Variants in TMC2 observed in about 807,000 individuals in gnomAD.
TMC2 encodes transmembrane channel-like protein 2.
A neutral mutation model predicts 105.9 loss-of-function variants in TMC2; 102 were observed. The observed-to-expected ratio is 0.96, with a 90% confidence interval of 0.82 to 1.14. The LOEUF (loss-of-function observed/expected upper bound fraction) is 1.14, where lower values mean the gene tolerates loss of function less well. Among genes scored for constraint, TMC2 ranks in the 50% most tolerant of loss-of-function variants. TMC2 has a pLI of 0.00. For missense variants in TMC2, 1,093 were observed against 1,134.3 expected (o/e 0.96, Z 0.52); for synonymous variants, 402 against 422.8 (o/e 0.95, Z 0.60).
chr20:2,558,838 C>T lies in TMC2; in HGVS notation c.401+64C>T. ...GCTCCCGCTCCTTCGCGGCCCTTCC[C>T]CTTCCCCCGTGAGGGACTGATGCCC... is the stretch of plus-strand genomic sequence containing the variant. On this transcript the variant is annotated intron_variant, in intron 3 of 19. Coordinates refer to ENST00000358864, the MANE Select transcript of TMC2 (RefSeq NM_080751.3). This position sits in a 1 kb window ranked among gnomAD's most constrained non-coding sequence, Gnocchi z 4.6. The T allele has an allele frequency of 1.4e-6, 2 of 1,457,208 alleles. No homozygotes were observed. The allele number at this position is 1,457,208 out of a possible 1,614,324, so 90.3% of individuals were successfully genotyped here. A position where few individuals can be genotyped will look rare whatever the true frequency, so the allele number is the denominator to read the frequency against.
chr20:2,598,240 CAAAG>C (rs1478517990), intron 10 of TMC2, among the ~76,000 whole-genome samples: 4 of 145,812 alleles, frequency 2.7e-5, no homozygotes, highest in African/African-American at 1.0e-4. Context: ...TGGAAAATAA[CAAAG>C]AGAGAGAAAG....
At chr20:2,542,936 T>TG (rs1295913623) in intron 2 of TMC2, among the ~76,000 whole-genome samples, 1 of 74 alleles carries the variant, frequency 0.014, no homozygotes, top group Non-Finnish European at 0.025. Flanking sequence ...TGTGTTTTTC[T>TG]TTTTAAAACA....
chr20:2,547,672 A>C (rs2085933471), intron 2 of TMC2, among the ~76,000 whole-genome samples: 1 of 152,242 alleles, frequency 6.6e-6, no homozygotes, highest in African/African-American at 2.4e-5. Flanking sequence ...TTTGAGAGTC[A>C]ATCTTAAAAA....
chr20:2,559,159 G>C (rs2086007563), intron 3 of TMC2, among the ~76,000 whole-genome samples: 1 of 152,166 alleles, frequency 6.6e-6, no homozygotes, highest in Admixed American at 6.5e-5. Flanking sequence ...CGAAGAGGAG[G>C]AGCTGAGCGA....
chr20:2,538,615 C>A (rs1288395864), intron 2 of TMC2, among the ~76,000 whole-genome samples: 1 of 152,180 alleles, frequency 6.6e-6, no homozygotes. Context: ...GTGCGGGACT[C>A]CCCTGTGAGC....
At chr20:2,564,219 C>T (rs1333654056) in intron 4 of TMC2, among the ~76,000 whole-genome samples, 4 of 136,370 alleles carry the variant, frequency 2.9e-5, no homozygotes, top group Admixed American at 2.5e-4. Flanking sequence ...GGCACAATCT[C>T]GGCTCACTGC....
At chr20:2,636,515 C>T (rs2086646301) in intron 18 of TMC2, among the ~76,000 whole-genome samples, 1 of 150,536 alleles carries the variant, frequency 6.6e-6, no homozygotes, top group African/African-American at 2.4e-5. Flanking sequence ...AAAATTCAGA[C>T]CCTAACCCTC....
At position 2,580,042 on chromosome 20, in the gene TMC2, G is replaced by A; in HGVS notation, c.820G>A (p.Val274Ile). The change falls in exon 7 of 20, where the codon GTC (valine) becomes ATC (isoleucine). Residue 274 changes from valine to isoleucine, a missense_variant. By Grantham distance (29) the Val-to-Ile change is conservative. Transcript: ENST00000358864. ...CCTTTTTGGCTTAATATTTGGTCTA[G>A]TCATAATCCCAGAGGTAAGAAAAGA... is the stretch of plus-strand genomic sequence containing the variant. ...LVLFGLIFGL[V>I]IIPEVLMGMP... 1 of 1,609,794 alleles carries A rather than the reference G, an allele frequency of 6.2e-7. No individual in the cohort carries two copies. Among genetic ancestry groups the A allele is most frequent in the Non-Finnish European group, 8.5e-7 (1 of 1,176,226 alleles).
At chr20:2,623,350 C>T (rs1369066452) in intron 16 of TMC2, among the ~76,000 whole-genome samples, 1 of 151,858 alleles carries the variant, frequency 6.6e-6, no homozygotes, top group East Asian at 1.9e-4. Flanking sequence ...GCAGCCTGGC[C>T]AACATGGTGA....
intron 7 of TMC2, among the ~76,000 whole-genome samples, chr20:2,588,490 G>C (rs775288838): frequency 1.3e-5 from 2 of 152,170 alleles, no homozygotes; most frequent in African/African-American, 4.8e-5. Flanking sequence ...GGCCATCTTT[G>C]TGGTAATTTG....
intron 17 of TMC2, among the ~76,000 whole-genome samples, chr20:2,627,204 C>T (rs2086570783): frequency 6.6e-6 from 1 of 152,158 alleles, no homozygotes; most frequent in South Asian, 2.1e-4. Flanking sequence ...TGATCACGAC[C>T]CTCATTCTTT....
chr20:2,591,334 C>A (rs2086266365), intron 7 of TMC2, among the ~76,000 whole-genome samples: 1 of 152,082 alleles, frequency 6.6e-6, no homozygotes, highest in Non-Finnish European at 1.5e-5. Context: ...ACATAGAACT[C>A]AGAAATAACT....
intron 2 of TMC2, among the ~76,000 whole-genome samples, chr20:2,555,196 T>TCAG (rs1315522610): frequency 1.3e-5 from 2 of 152,202 alleles, no homozygotes; most frequent in Non-Finnish European, 2.9e-5. Flanking sequence ...TTCTCCTGCC[T>TCAG]CAGCCTCCAA....
intron 17 of TMC2, 30 bp downstream of exon 17, chr20:2,624,426 C>A: frequency 6.3e-7 from 1 of 1,596,108 alleles, no homozygotes. Flanking sequence ...TGGCTCCACC[C>A]CACGGAAACT....
chr20:2,634,660 T>C (rs2086628579), intron 17 of TMC2, among the ~76,000 whole-genome samples: 1 of 152,162 alleles, frequency 6.6e-6, no homozygotes, highest in African/African-American at 2.4e-5. Context: ...TTATCCACCA[T>C]TTGCTGGGTC....
intron 17 of TMC2, among the ~76,000 whole-genome samples, chr20:2,627,304 T>C (rs1010705603): frequency 6.6e-6 from 1 of 152,212 alleles, no homozygotes; most frequent in Non-Finnish European, 1.5e-5. Flanking sequence ...TTTTCTCCAG[T>C]AGTACTGCTA....
At position 2,594,925 on chromosome 20, in the gene TMC2, G is replaced by A; in HGVS notation, c.1034G>A (p.Gly345Glu). 4 of 1,614,108 alleles carry A rather than the reference G, an allele frequency of 2.5e-6. No individual in the cohort carries two copies. Among genetic ancestry groups the A allele is most frequent in the Non-Finnish European group, 1.7e-6 (2 of 1,180,012 alleles). ...YRLPMAYFMV[G>E]VSVFGYSLII... ...CTGCCTATGGCTTACTTTATGGTGG[G>A]GGTCAGCGTGTTCGGCTACAGCCTG... Residue 345 changes from glycine to glutamate, a missense_variant, in exon 9 of 20, where the codon GGG (glycine) becomes GAG (glutamate). Gly to Glu is a moderately conservative substitution (Grantham distance 98). Transcript: ENST00000358864.
At chr20:2,632,977 TTTG>T (rs34884357) in intron 17 of TMC2, among the ~76,000 whole-genome samples, 3 of 151,726 alleles carry the variant, frequency 2.0e-5, no homozygotes, top group Non-Finnish European at 2.9e-5. Flanking sequence ...CTTCCATGGG[TTTG>T]TTGTTGTTGC....
chr20:2,543,459 G>C (rs920125536), intron 2 of TMC2, among the ~76,000 whole-genome samples: 1 of 152,150 alleles, frequency 6.6e-6, no homozygotes, highest in Non-Finnish European at 1.5e-5. Context: ...AATGAGACTG[G>C]GTGAGAATCA....
Sources: allele counts gnomAD v4.1 joint callset (sites outside exome capture counted in the v4.1 genomes callset), GRCh38; gene constraint gnomAD v4.1.1; non-coding constraint Gnocchi (gnomAD v3.1); transcripts MANE v1.5; gene names NCBI Gene and HGNC (gene_info 2026-07-23, HGNC 2026-07-21).